Variants in DCAF1 observed in about 807,000 individuals in gnomAD.
DCAF1 encodes the protein DDB1 and CUL4 associated factor 1, also known as DDB1- and CUL4-associated factor 1.
A neutral mutation model predicts 128.0 loss-of-function variants in DCAF1; 15 were observed. The ratio of observed to expected loss-of-function variants is 0.12; its 90% CI spans 0.08 to 0.18. DCAF1 has a LOEUF of 0.18. Among genes scored for constraint, DCAF1 ranks in the 10% least tolerant of loss-of-function variants. The pLI, the probability that DCAF1 is intolerant of heterozygous loss-of-function variation, is 1.00. For synonymous variants in DCAF1, 610 were observed against 603.0 expected (o/e 1.01, Z -0.17); for missense variants, 988 against 1,649.5 (o/e 0.60, Z 6.95).
intron 6 of DCAF1, among the ~76,000 whole-genome samples, chr3:51,457,100 T>C (rs538405904): frequency 4.6e-5 from 7 of 152,134 alleles, no homozygotes; most frequent in Admixed American, 1.3e-4. Flanking sequence ...AGGCTTCAGA[T>C]GATCAAACTA....
In DCAF1 at chr3:51,429,215, A is replaced by G. The variant is rs1700165592; in HGVS notation, c.1677+46T>C. 3 of 722,392 alleles carry G rather than the reference A, an allele frequency of 4.2e-6. No homozygotes were observed. In the African/African-American group the frequency reaches 5.2e-5, roughly 13 times the overall value. 44.7% of individuals were successfully genotyped at this position (722,392 alleles called of 1,614,324 possible). ...GTGAGTTTCAGGACTGAGATGCTAC[A>G]GAGAGGGCTAACAGAACTTTCCCTT... On this transcript the variant is annotated intron_variant, in intron 12 of 24. Transcript: ENST00000684031.
chr3:51,412,090 C>CA (rs1698475857), intron 23 of DCAF1, among the ~76,000 whole-genome samples: 1 of 95,434 alleles, frequency 1.0e-5, no homozygotes, highest in African/African-American at 4.3e-5. Context: ...GCCTCGGCGA[C>CA]AAGAGCAAAA....
chr3:51,463,483 T>C lies in DCAF1; in HGVS notation c.262-256A>G, dbSNP rs181363916. ...TCCCCCCAAAACAACTCAGCAATCA[T>C]AGAAATTAAAGGTCAAACGCTGATG... On this transcript the variant is annotated intron_variant, in intron 5 of 24. Coordinates refer to ENST00000684031, the MANE Select transcript of DCAF1 (RefSeq NM_001387579.1). Among the ~76,000 whole-genome samples the C allele has an allele frequency of 6.9e-3, 1,043 of 152,174 alleles. 36 individuals are homozygous for C. Among genetic ancestry groups the C allele is most frequent in the Admixed American group, 0.063 (954 of 15,256 alleles).
At chr3:51,499,664 G>A (rs1396213528) in intron 1 of DCAF1, among the ~76,000 whole-genome samples, 1 of 151,466 alleles carries the variant, frequency 6.6e-6, no homozygotes, top group Non-Finnish European at 1.5e-5. Flanking sequence ...TGGAGGCCCC[G>A]CCCCCAGGAC....
intron 12 of DCAF1, among the ~76,000 whole-genome samples, chr3:51,428,568 T>A (rs939621728): frequency 6.6e-6 from 1 of 152,064 alleles, no homozygotes. Context: ...GGTGATTTTT[T>A]AAAAAACATG....
chr3:51,435,018 T>C (rs1374553089), intron 9 of DCAF1, among the ~76,000 whole-genome samples: 1 of 152,180 alleles, frequency 6.6e-6, no homozygotes, highest in African/African-American at 2.4e-5. Flanking sequence ...CCAAGGTCAA[T>C]GGAAAAAACA....
intron 2 of DCAF1, among the ~76,000 whole-genome samples, chr3:51,484,729 C>G (rs1706717532): frequency 7.0e-6 from 1 of 143,142 alleles, no homozygotes; most frequent in Admixed American, 7.6e-5. Context: ...GTCACCCAGG[C>G]TGGAGTGCAA....
At chr3:51,497,080 A>T (rs147923700) in intron 1 of DCAF1, among the ~76,000 whole-genome samples, 2 of 152,046 alleles carry the variant, frequency 1.3e-5, no homozygotes, top group South Asian at 2.1e-4. Flanking sequence ...GGATTACTTG[A>T]GGCCAAAAGT....
chr3:51,446,963 A>AAAAAATAATAATAAT (rs377427485), intron 6 of DCAF1, among the ~76,000 whole-genome samples: 5 of 136,990 alleles, frequency 3.6e-5, no homozygotes, highest in African/African-American at 8.1e-5. Flanking sequence ...TTTGTCTCAA[A>AAAAAATAATAATAAT]AATAATAATA....
At chr3:51,499,290 T>C (rs1372118492) in intron 1 of DCAF1, among the ~76,000 whole-genome samples, 1 of 152,200 alleles carries the variant, frequency 6.6e-6, no homozygotes, top group Non-Finnish European at 1.5e-5. Flanking sequence ...CACACCTCTC[T>C]TTCCAACCCT....
Position 51,433,099 on chromosome 3 carries a change from G to A in DCAF1, c.1287+7C>T. On this transcript the variant is annotated splice_region_variant and intron_variant, in intron 10 of 24. Transcript: ENST00000684031. Reference sequence around the variant, plus strand: ...CTCATCCCCACAAACCTGTATAGATGACTTACTCTTTCCATGGCATCCTGA... The same window carrying A: ...CTCATCCCCACAAACCTGTATAGATAACTTACTCTTTCCATGGCATCCTGA... 1 of 398,318 alleles carries A rather than the reference G, an allele frequency of 2.5e-6. No homozygotes were observed. The highest frequency in any genetic ancestry group is 4.4e-6 in the Non-Finnish European group (1 of 226,006). The allele number at this position is 398,318 out of a possible 1,614,324, so 24.7% of individuals were successfully genotyped here.
At chr3:51,403,081 C>T (rs1332655738) in intron 24 of DCAF1, 62 bp downstream of exon 24, 14 of 1,534,572 alleles carry the variant, frequency 9.1e-6, no homozygotes, top group African/African-American at 1.4e-5. Flanking sequence ...GTTGTATGGG[C>T]ACAAAAGAAG....
intron 6 of DCAF1, among the ~76,000 whole-genome samples, chr3:51,461,375 C>A (rs1424486609): frequency 6.6e-6 from 1 of 152,178 alleles, no homozygotes; most frequent in Non-Finnish European, 1.5e-5. Flanking sequence ...CCATGTCACA[C>A]CAGTTAGAAT....
intron 15 of DCAF1, among the ~76,000 whole-genome samples, 177 bp from the exon 16 acceptor site, chr3:51,419,053 T>G (rs1308103921): frequency 6.6e-6 from 1 of 152,140 alleles, no homozygotes; most frequent in African/African-American, 2.4e-5. Context: ...ACTTACAAAT[T>G]TAAATAACAA....
At chr3:51,487,432 TTAAC>T in intron 2 of DCAF1, among the ~76,000 whole-genome samples, 1 of 152,346 alleles carries the variant, frequency 6.6e-6, no homozygotes, top group South Asian at 2.1e-4. Context: ...TACATTATTA[TTAAC>T]TAAACTCCAG....
At chr3:51,409,247 A>G (rs1698182694) in intron 23 of DCAF1, among the ~76,000 whole-genome samples, 1 of 152,138 alleles carries the variant, frequency 6.6e-6, no homozygotes, top group Non-Finnish European at 1.5e-5. Context: ...CTCTTAAATT[A>G]TTCCCTTATG....
chr3:51,441,264 T>C, intron 8 of DCAF1, 121 bp downstream of exon 8: 1 of 1,343,898 alleles, frequency 7.4e-7, no homozygotes, highest in Non-Finnish European at 1.0e-6. Flanking sequence ...AACAGTTTCA[T>C]GCAAACCCTT....
At chr3:51,412,325 G>A in intron 23 of DCAF1, 54 bp downstream of exon 23, 1 of 1,610,390 alleles carries the variant, frequency 6.2e-7, no homozygotes, top group South Asian at 1.1e-5. Flanking sequence ...AAAAAGCAGA[G>A]CATAACCTCT....
downstream of DCAF1, chr3:51,397,691 GAGTATA>G (rs2089299654): frequency 6.0e-6 from 1 of 166,780 alleles, no homozygotes; most frequent in Non-Finnish European, 1.5e-5. Context: ...CAGACACTGT[GAGTATA>G]AGCTACTTTC....
Sources: gnomAD v4.1 joint callset for allele counts (sites outside exome capture counted in the v4.1 genomes callset) on GRCh38, gnomAD v4.1.1 for gene constraint, MANE v1.5 for transcripts, NCBI Gene and HGNC (gene_info 2026-07-23, HGNC 2026-07-21) for gene names.